Variants in TENM3 observed in about 807,000 individuals in gnomAD.
TENM3 encodes teneurin transmembrane protein 3, also known as teneurin-3.
In TENM3, 63 loss-of-function variants were observed where a neutral mutation model predicts 255.1. The ratio of observed to expected loss-of-function variants is 0.25; its 90% CI spans 0.20 to 0.30. The LOEUF is 0.30. Among genes scored for constraint, TENM3 ranks in the 10% least tolerant of loss-of-function variants. TENM3 has a pLI of 1.00. For synonymous variants in TENM3, 1,306 were observed against 1,322.3 expected, an observed-to-expected ratio of 0.99 and a Z score of 0.27; for missense variants, 2,929 against 3,461.1, an observed-to-expected ratio of 0.85 and a Z score of 3.86.
At chr4:181,890,189 TA>T in the TENM3 span, among the ~76,000 whole-genome samples, 1 of 152,214 alleles carries the variant, frequency 6.6e-6, no homozygotes, top group African/African-American at 2.4e-5. Flanking sequence ...TGTTTCACCT[TA>T]AGCTGTTTTG....
chr4:182,262,006 C>G (rs1758826597), intron 1 of TENM3, among the ~76,000 whole-genome samples: 2 of 152,168 alleles, frequency 1.3e-5, no homozygotes, highest in Admixed American at 6.5e-5. Flanking sequence ...TTACCAAGAT[C>G]ATGAGTCACC....
chr4:181,875,580 C>A, the TENM3 span, among the ~76,000 whole-genome samples: 1 of 152,100 alleles, frequency 6.6e-6, no homozygotes, highest in Non-Finnish European at 1.5e-5. Context: ...GTAGGAAAAA[C>A]ATGTCCCATT....
At chr4:182,161,613 G>GTA (rs1160189628) in intron 1 of TENM3, among the ~76,000 whole-genome samples, 5 of 100,082 alleles carry the variant, frequency 5.0e-5, no homozygotes, top group African/African-American at 1.6e-4. Flanking sequence ...ATATATATAT[G>GTA]TATATATATA....
intron 3 of TENM3, among the ~76,000 whole-genome samples, chr4:182,355,355 C>T (rs1765448724): frequency 6.6e-6 from 1 of 152,214 alleles, no homozygotes; most frequent in African/African-American, 2.4e-5. Context: ...TGCACGTTTT[C>T]CTGCAGGTAA....
chr4:181,598,800 T>G, the TENM3 span, among the ~76,000 whole-genome samples: 2 of 152,214 alleles, frequency 1.3e-5, no homozygotes, highest in African/African-American at 4.8e-5. Flanking sequence ...ATCATTTGCT[T>G]ATTAATTCAA....
the TENM3 span, among the ~76,000 whole-genome samples, chr4:182,004,117 A>G: frequency 6.6e-6 from 1 of 152,116 alleles, no homozygotes; most frequent in South Asian, 2.1e-4. Context: ...ACAAAACAAA[A>G]CAGGATATAT....
rs116143151 is a variant in TENM3, at chr4:182,568,880, C to T, written c.512-32044C>T. 2.2e-3 allele frequency among the ~76,000 whole-genome samples: 329 copies of T among 152,278 alleles called. 3 individuals carry two copies. Among genetic ancestry groups the T allele is most frequent in the African/African-American group, 7.4e-3 (307 of 41,550 alleles). On this transcript the variant is annotated intron_variant, in intron 3 of 27. Coordinates refer to ENST00000511685, the MANE Select transcript of TENM3 (RefSeq NM_001080477.4). ...TTAAGCAAAAGTGGCCAGGCACAAA[C>T]GAGTACATACTGTATGATTCCAGTT...
rs1481883786 is a variant in TENM3, at chr4:182,799,526, C to A, written c.7345-70C>A. On this transcript the variant is annotated intron_variant, in intron 27 of 27. Coordinates refer to ENST00000511685, the MANE Select transcript of TENM3 (RefSeq NM_001080477.4). This position sits in a 1 kb window ranked among gnomAD's most constrained non-coding sequence, Gnocchi z 4.2. The stretch of plus-strand genomic sequence containing the variant: ...TGCCCCGGCGCTGCCCCCAGAGTCC[C>A]GTGTGTGGGTCAGGAGTGGGGAGGC... 3 of 1,499,724 alleles carry A rather than the reference C, an allele frequency of 2.0e-6. No homozygotes were observed. The highest frequency in any genetic ancestry group is 2.6e-6 in the Non-Finnish European group (3 of 1,134,812). The allele number at this position is 1,499,724 out of a possible 1,614,324, so 92.9% of individuals were successfully genotyped here.
the TENM3 span, among the ~76,000 whole-genome samples, chr4:181,924,352 G>A: frequency 6.6e-6 from 1 of 151,038 alleles, no homozygotes; most frequent in East Asian, 1.9e-4. Context: ...TGACCCAGGA[G>A]TCTTGTGTTT....
chr4:182,232,656 A>T (rs1168596388), intron 1 of TENM3, among the ~76,000 whole-genome samples: 2 of 152,066 alleles, frequency 1.3e-5, no homozygotes, highest in Admixed American at 1.3e-4. Flanking sequence ...AGATCGCGCC[A>T]CTGCACTCCA....
At chr4:182,146,197 A>G (rs1749955033) in intron 1 of TENM3, among the ~76,000 whole-genome samples, 1 of 152,244 alleles carries the variant, frequency 6.6e-6, no homozygotes, top group South Asian at 2.1e-4. Flanking sequence ...ACAAGATTTT[A>G]TAAATTCAAC....
At chr4:182,429,249 A>C (rs1771452931) in intron 3 of TENM3, among the ~76,000 whole-genome samples, 1 of 152,226 alleles carries the variant, frequency 6.6e-6, no homozygotes. Flanking sequence ...CCCCAGAGGT[A>C]ATATCATAGG....
intron 4 of TENM3, among the ~76,000 whole-genome samples, chr4:182,605,819 T>C (rs975493768): frequency 7.2e-5 from 11 of 152,184 alleles, no homozygotes; most frequent in African/African-American, 2.7e-4. Context: ...AGTTCATTAC[T>C]AAAGCCAGGA....
At chr4:181,919,094 A>G in the TENM3 span, among the ~76,000 whole-genome samples, 7 of 152,136 alleles carry the variant, frequency 4.6e-5, no homozygotes, top group African/African-American at 1.7e-4. Flanking sequence ...CCAGTGCGAG[A>G]GGATAAGAAT....
chr4:182,333,893 G>A (rs1307629665), intron 2 of TENM3, among the ~76,000 whole-genome samples: 1 of 152,184 alleles, frequency 6.6e-6, no homozygotes, highest in Non-Finnish European at 1.5e-5. Context: ...TATATGGACA[G>A]TGTAGATCAT....
chr4:182,271,133 C>T (rs1165301082), intron 1 of TENM3, among the ~76,000 whole-genome samples: 1 of 152,164 alleles, frequency 6.6e-6, no homozygotes, highest in Non-Finnish European at 1.5e-5. Context: ...GCTAAGACAA[C>T]CAGAGTCTTG....
At chr4:181,470,116 A>AAAC in the TENM3 span, among the ~76,000 whole-genome samples, 2 of 126,244 alleles carry the variant, frequency 1.6e-5, no homozygotes, top group Admixed American at 8.8e-5. Context: ...TGTAAAAAAA[A>AAAC]AAAAAAAAAC....
At chr4:181,654,266 G>A in the TENM3 span, among the ~76,000 whole-genome samples, 1 of 151,482 alleles carries the variant, frequency 6.6e-6, no homozygotes, top group Admixed American at 6.6e-5. Flanking sequence ...AAACTCGTGG[G>A]CCCCACCATT....
chr4:181,781,699 T>C, the TENM3 span, among the ~76,000 whole-genome samples: 115 of 152,306 alleles, frequency 7.6e-4, no homozygotes, highest in African/African-American at 2.6e-3. Context: ...CTTGTGCCAG[T>C]TTTCAAAGGG....
Sources: gnomAD v4.1 joint callset for allele counts (sites outside exome capture counted in the v4.1 genomes callset) on GRCh38, gnomAD v4.1.1 for gene constraint, Gnocchi (gnomAD v3.1) non-coding constraint, MANE v1.5 for transcripts, NCBI Gene and HGNC (gene_info 2026-07-23, HGNC 2026-07-21) for gene names.